Variants in PKIG observed in about 807,000 individuals in gnomAD.
PKIG encodes the protein protein kinase (cAMP-dependent, catalytic) inhibitor gamma.
PKIG carries 1 observed loss-of-function variant against 6.8 expected under a neutral mutation model. The ratio of observed to expected loss-of-function variants is 0.15; its 90% confidence interval spans 0.05 to 0.69. The LOEUF is 0.69. PKIG is among the 30% of genes least tolerant of loss of function. PKIG has a pLI of 0.82. For missense variants in PKIG, 77 were observed against 104.0 expected, an observed-to-expected ratio of 0.74 and a Z score of 1.13; for synonymous variants, 39 against 43.0, an observed-to-expected ratio of 0.91 and a Z score of 0.36.
chr20:44,557,520 C>CAAA (rs3091847), intron 1 of PKIG, among the ~76,000 whole-genome samples: 988 of 63,516 alleles, frequency 0.016, 21 homozygotes, highest in East Asian at 0.1. Flanking sequence ...TGACAGGTGA[C>CAAA]AAAAAAAAAA....
chr20:44,546,248 T>G (rs2064612785), intron 1 of PKIG, among the ~76,000 whole-genome samples: 1 of 152,134 alleles, frequency 6.6e-6, no homozygotes, highest in African/African-American at 2.4e-5. Flanking sequence ...AGACCCTGTC[T>G]CAGAGAAGAG....
intron 2 of PKIG, among the ~76,000 whole-genome samples, chr20:44,592,975 A>G (rs1290761462): frequency 1.3e-5 from 2 of 152,176 alleles, no homozygotes; most frequent in African/African-American, 2.4e-5. Flanking sequence ...TGAAACCATG[A>G]AAGACCCCAA....
At chr20:44,601,327 T>C (rs1404894756) in intron 2 of PKIG, among the ~76,000 whole-genome samples, 1 of 152,234 alleles carries the variant, frequency 6.6e-6, no homozygotes, top group African/African-American at 2.4e-5. Context: ...GGGCCACTCT[T>C]TGAATGGCAA....
chr20:44,580,638 G>A (rs888035408), upstream of PKIG, among the ~76,000 whole-genome samples: 4 of 152,082 alleles, frequency 2.6e-5, no homozygotes, highest in African/African-American at 4.8e-5. Context: ...GTGAGCCACC[G>A]CGCCCGGCCA....
upstream of PKIG, among the ~76,000 whole-genome samples, chr20:44,578,233 C>T (rs943015130): frequency 4.0e-5 from 6 of 148,388 alleles, no homozygotes; most frequent in South Asian, 4.3e-4. Context: ...CCCAGTTACT[C>T]GGGAGGCTGA....
At chr20:44,613,770 C>T (rs952920649) in intron 2 of PKIG, among the ~76,000 whole-genome samples, 10 of 152,262 alleles carry the variant, frequency 6.6e-5, no homozygotes, top group Admixed American at 2.0e-4. Context: ...CTGCTGTGCC[C>T]GGCCGCCACA....
intron 1 of PKIG, among the ~76,000 whole-genome samples, chr20:44,550,539 CA>C (rs933451902): frequency 6.6e-6 from 1 of 152,016 alleles, no homozygotes; most frequent in Admixed American, 6.6e-5. Context: ...TGAAATCTCG[CA>C]AAAATTGCCC....
At chr20:44,611,856 C>A (rs142183583) in intron 2 of PKIG, among the ~76,000 whole-genome samples, 1 of 151,750 alleles carries the variant, frequency 6.6e-6, no homozygotes, top group Non-Finnish European at 1.5e-5. Context: ...TCCATGTATG[C>A]GTAAAATCAT....
In PKIG at chr20:44,595,818, G is replaced by A. The variant is rs370100591; in HGVS notation, c.-24+5952G>A. 4.6e-5 allele frequency among the ~76,000 whole-genome samples: 7 copies of A among 152,030 alleles called. No homozygotes were observed. In the East Asian group the frequency reaches 1.4e-3, roughly 29 times the overall value. ...TGAACCACTGCGCCTGGTGCCCCTG[G>A]TGCTGTAAAAGTACAACTGTCCTGT... On this transcript the variant is annotated intron_variant, in intron 2 of 3. Transcript: ENST00000372886.
At chr20:44,557,981 A>G (rs373824595) in intron 1 of PKIG, among the ~76,000 whole-genome samples, 10 of 152,268 alleles carry the variant, frequency 6.6e-5, no homozygotes, top group East Asian at 1.9e-4. Flanking sequence ...TATTTCTCCA[A>G]AGTTGACTAG....
intron 2 of PKIG, among the ~76,000 whole-genome samples, chr20:44,590,292 A>C (rs1427003395): frequency 6.6e-6 from 1 of 152,160 alleles, no homozygotes; most frequent in East Asian, 1.9e-4. Flanking sequence ...TTTTCATTTT[A>C]ATGCTGTAAT....
intron 1 of PKIG, chr20:44,585,105 G>A (rs1233772139): frequency 6.6e-6 from 1 of 152,334 alleles, no homozygotes; most frequent in Non-Finnish European, 1.5e-5. Flanking sequence ...CTAAGGTGGT[G>A]GTGAGGAGGT....
chr20:44,568,970 G>T (rs1201351227), intron 1 of PKIG, among the ~76,000 whole-genome samples: 2 of 152,148 alleles, frequency 1.3e-5, no homozygotes, highest in Non-Finnish European at 2.9e-5. Flanking sequence ...CTCTTGGATA[G>T]ATTCTTAGAT....
At chr20:44,539,129 A>G (rs1435823429) in intron 1 of PKIG, among the ~76,000 whole-genome samples, 2 of 152,012 alleles carry the variant, frequency 1.3e-5, no homozygotes, top group African/African-American at 4.8e-5. Context: ...GGGTTTCACT[A>G]TTTTGGCCGG....
At chr20:44,591,285 C>T (rs2065031379) in intron 2 of PKIG, among the ~76,000 whole-genome samples, 1 of 152,104 alleles carries the variant, frequency 6.6e-6, no homozygotes, top group South Asian at 2.1e-4. Context: ...AGAGGGGGTT[C>T]CCTGGCTGGA....
intron 1 of PKIG, among the ~76,000 whole-genome samples, chr20:44,552,838 A>G (rs530382130): frequency 6.6e-5 from 10 of 152,180 alleles, no homozygotes; most frequent in Admixed American, 5.9e-4. Context: ...TTAGGATCTT[A>G]ATTGTCTTTA....
intron 1 of PKIG, among the ~76,000 whole-genome samples, chr20:44,572,530 T>A (rs2064862531): frequency 6.6e-6 from 1 of 151,792 alleles, no homozygotes; most frequent in Non-Finnish European, 1.5e-5. Context: ...AAATAAAACA[T>A]CCTGAGGGCA....
At chr20:44,581,352 T>G (rs1322134315), upstream of PKIG, among the ~76,000 whole-genome samples, 2 of 152,236 alleles carry the variant, frequency 1.3e-5, no homozygotes, top group African/African-American at 4.8e-5. Flanking sequence ...TACATGTGTT[T>G]TTTAATTCTC....
At chr20:44,548,854 CCACACA>C (rs11469110) in intron 1 of PKIG, among the ~76,000 whole-genome samples, 43,647 of 135,396 alleles carry the variant, frequency 0.32, 7,954 homozygotes, top group Non-Finnish European at 0.43. Flanking sequence ...ACTCCTCCCA[CCACACA>C]CACACACACA....
Sources: gnomAD v4.1 joint callset for allele counts (sites outside exome capture counted in the v4.1 genomes callset) on GRCh38, gnomAD v4.1.1 for gene constraint, MANE v1.5 for transcripts, NCBI Gene and HGNC (gene_info 2026-07-23, HGNC 2026-07-21) for gene names.